HUNK: variants seen among roughly 807,000 people sequenced by gnomAD.
The protein encoded by HUNK is hormonally up-regulated Neu-associated kinase, also known as hormonally up-regulated neu tumor-associated kinase.
A neutral mutation model predicts 61.0 loss-of-function variants in HUNK; 21 were observed. The ratio of observed to expected loss-of-function variants is 0.34; its 90% CI spans 0.24 to 0.50. The LOEUF (loss-of-function observed/expected upper bound fraction) is 0.50, where lower values mean the gene tolerates loss of function less well. HUNK is among the 20% of genes least tolerant of loss of function. The pLI is 0.98. For synonymous variants in HUNK, 371 were observed against 386.1 expected (o/e 0.96, Z 0.46); for missense variants, 772 against 945.7 (o/e 0.82, Z 2.41).
Position 32,000,022 on chromosome 21 carries a change from G to A in HUNK, c.*838G>A, listed in dbSNP as rs2053235763. 5.0e-6 allele frequency: 2 copies of A among 397,434 alleles called. No homozygotes were observed. Among genetic ancestry groups the A allele is most frequent in the Admixed American group, 4.4e-5 (1 of 22,646 alleles). 24.6% of individuals were successfully genotyped at this position (397,434 alleles called of 1,614,324 possible). ...AAAAAGCTGACTGTGGTGATTTGCT[G>A]AGTGCTGTGGCCCACAGGCAGGGCA... On this transcript the variant is annotated 3_prime_UTR_variant, in exon 11 of 11. Transcript: ENST00000270112.
intron 7 of HUNK, among the ~76,000 whole-genome samples, chr21:31,982,079 C>T (rs1468156245): frequency 6.6e-6 from 1 of 152,094 alleles, no homozygotes; most frequent in African/African-American, 2.4e-5. Flanking sequence ...TTTCTCTTGC[C>T]TAAGTGCTCT....
chr21:31,947,998 A>G (rs2052821470), intron 4 of HUNK, among the ~76,000 whole-genome samples: 1 of 152,236 alleles, frequency 6.6e-6, no homozygotes, highest in Admixed American at 6.5e-5. Flanking sequence ...GCCAGACACC[A>G]TGTCACTTAG....
intron 6 of HUNK, 100 bp from the exon 7 acceptor site, chr21:31,974,455 T>A: frequency 1.8e-6 from 2 of 1,108,540 alleles, no homozygotes; most frequent in Non-Finnish European, 1.3e-6. Flanking sequence ...AGTCAGTGAA[T>A]GAATGAGTGA....
chr21:31,922,264 G>A (rs553142661), intron 1 of HUNK, among the ~76,000 whole-genome samples: 4 of 151,550 alleles, frequency 2.6e-5, no homozygotes, highest in African/African-American at 7.3e-5. Flanking sequence ...TGATCCACCC[G>A]CCTTGGCCTC....
At chr21:31,933,283 A>G (rs1348904485) in intron 2 of HUNK, among the ~76,000 whole-genome samples, 1 of 151,912 alleles carries the variant, frequency 6.6e-6, no homozygotes, top group Non-Finnish European at 1.5e-5. Context: ...TTGAAGGCCC[A>G]TTGGCCAAGA....
chr21:31,946,246 G>A, intron 4 of HUNK, 75 bp downstream of exon 4: 1 of 1,457,562 alleles, frequency 6.9e-7, no homozygotes, highest in East Asian at 2.4e-5. Flanking sequence ...AATCATGCCT[G>A]AGTATTGGAT....
intron 6 of HUNK, among the ~76,000 whole-genome samples, chr21:31,969,350 G>C (rs112063665): frequency 1.3e-5 from 2 of 152,248 alleles, no homozygotes; most frequent in African/African-American, 4.8e-5. Flanking sequence ...TAAAATGTGG[G>C]AGGCAGGAAG....
intron 9 of HUNK, among the ~76,000 whole-genome samples, chr21:31,992,903 G>A (rs1408088240): frequency 6.6e-6 from 1 of 152,214 alleles, no homozygotes; most frequent in Non-Finnish European, 1.5e-5. Flanking sequence ...TGACTCTGAG[G>A]TTTGTCCCCG....
intron 4 of HUNK, among the ~76,000 whole-genome samples, chr21:31,952,769 G>C (rs1464550825): frequency 3.2e-5 from 4 of 126,914 alleles, no homozygotes; most frequent in Non-Finnish European, 6.2e-5. Flanking sequence ...TTTGAGATCA[G>C]AGTATTCTAT....
intron 6 of HUNK, among the ~76,000 whole-genome samples, chr21:31,970,669 C>T (rs570320202): frequency 3.9e-5 from 6 of 152,268 alleles, no homozygotes; most frequent in South Asian, 2.1e-4. Flanking sequence ...CCACTCAATG[C>T]GGCAACTGTT....
chr21:31,985,511 C>T (rs370883593), intron 8 of HUNK, among the ~76,000 whole-genome samples: 82 of 152,240 alleles, frequency 5.4e-4, no homozygotes, highest in Admixed American at 1.4e-3. Flanking sequence ...GACTTGCCCC[C>T]GGCATAGAGG....
rs2052983258 is a variant in HUNK at position 31,968,412 on chromosome 21, CT to C, written c.1010+28del. ...TAATTTCGTGCACCCAGAGGAACTC[CT>C]CGGGAGAGACGGGGCCTGTCCTACT... On this transcript the variant is annotated intron_variant, in intron 6 of 10. Transcript: ENST00000270112. 3 of 1,613,598 alleles carry C rather than the reference CT, an allele frequency of 1.9e-6. No individual in the cohort carries two copies. The South Asian group carries it at 3.3e-5, about 18-fold the overall frequency.
intron 1 of HUNK, among the ~76,000 whole-genome samples, chr21:31,899,858 A>T (rs1055179482): frequency 6.6e-6 from 1 of 150,684 alleles, no homozygotes; most frequent in South Asian, 2.1e-4. Flanking sequence ...GCTCACTACA[A>T]CCTCTGCCTC....
chr21:31,921,371 C>T lies in HUNK; in HGVS notation c.262-3097C>T, dbSNP rs188244179. Among the ~76,000 whole-genome samples the T allele has an allele frequency of 1.4e-4, 19 of 140,120 alleles. No homozygotes were observed. The East Asian group carries it at 3.0e-3, about 22-fold the overall frequency. 91.9% of individuals were successfully genotyped at this position (140,120 alleles called of 152,430 possible). A position where few individuals can be genotyped will look rare whatever the true frequency, so the allele number is the denominator to read the frequency against. On this transcript the variant is annotated intron_variant, in intron 1 of 10. Transcript: ENST00000270112. ...TACTGCAGATGCTGTTGTATAGGGA[C>T]GTAGGGAAGGAAGGTGCGGGGGAGT...
At chr21:31,950,505 A>G (rs1009394954) in intron 4 of HUNK, among the ~76,000 whole-genome samples, 2 of 152,172 alleles carry the variant, frequency 1.3e-5, no homozygotes, top group African/African-American at 4.8e-5. Context: ...CAGCATATGC[A>G]AAAGGCTGGT....
At chr21:31,955,526 G>A (rs1428348570) in intron 4 of HUNK, among the ~76,000 whole-genome samples, 2 of 152,188 alleles carry the variant, frequency 1.3e-5, no homozygotes, top group African/African-American at 4.8e-5. Context: ...GGGAGGCAGA[G>A]CTTGCAGTGA....
chr21:31,892,433 G>C (rs948765794), intron 1 of HUNK, among the ~76,000 whole-genome samples: 4 of 151,500 alleles, frequency 2.6e-5, no homozygotes, highest in African/African-American at 9.7e-5. Flanking sequence ...AGCCAAGCCT[G>C]GTGGCGCATG....
Position 31,884,261 on chromosome 21 carries a change from A to G in HUNK, c.261+10326A>G, listed in dbSNP as rs115949881. On this transcript the variant is annotated intron_variant, in intron 1 of 10. Coordinates refer to ENST00000270112, the MANE Select transcript of HUNK (RefSeq NM_014586.2). ...CCTCATGAATGGGATTAGTGCCCTT[A>G]TAAAAGGTGCCTGACTGAGGTTGCA... 7.0e-3 allele frequency among the ~76,000 whole-genome samples: 1,070 copies of G among 152,222 alleles called. 19 individuals carry two copies. Among genetic ancestry groups the G allele is most frequent in the African/African-American group, 0.024 (1,014 of 41,520 alleles).
intron 9 of HUNK, among the ~76,000 whole-genome samples, chr21:31,990,517 C>CTTTA (rs3056170): frequency 0.13 from 18,905 of 142,808 alleles, 1,803 homozygotes; most frequent in African/African-American, 0.27. Context: ...ATGTTAATCA[C>CTTTA]TTTATTTATT....
Sources: allele counts gnomAD v4.1 joint callset (sites outside exome capture counted in the v4.1 genomes callset), GRCh38; gene constraint gnomAD v4.1.1; transcripts MANE v1.5; gene names NCBI Gene and HGNC (gene_info 2026-07-23, HGNC 2026-07-21).